TANK: variants seen among roughly 807,000 people sequenced by gnomAD.
The protein encoded by TANK is TRAF family member-associated NF-kappa-B activator.
Under a neutral mutation model 43.6 loss-of-function variants are expected in TANK, and 15 were observed. The ratio of observed to expected loss-of-function variants is 0.34; its 90% CI spans 0.23 to 0.53. The LOEUF is 0.53. Among genes scored for constraint, TANK ranks in the 20% least tolerant of loss-of-function variants. The probability of loss-of-function intolerance (pLI) is 0.94; values close to 1 mark genes in which losing one functional copy is unlikely to be tolerated. For synonymous variants in TANK, 162 were observed against 178.2 expected (o/e 0.91, Z 0.73); for missense variants, 417 against 498.6 (o/e 0.84, Z 1.56).
intron 1 of TANK, among the ~76,000 whole-genome samples, chr2:161,164,508 T>C (rs1281601271): frequency 6.6e-6 from 1 of 152,190 alleles, no homozygotes; most frequent in Non-Finnish European, 1.5e-5. Flanking sequence ...AAGATTATGA[T>C]TATCTTCAGG....
intron 6 of TANK, among the ~76,000 whole-genome samples, chr2:161,229,636 T>G (rs10189790): frequency 0.042 from 6,433 of 152,244 alleles, 407 homozygotes; most frequent in African/African-American, 0.14. Context: ...TATTGGAATG[T>G]GCTGTGGCAA....
At chr2:161,187,496 T>A (rs1366178502) in intron 2 of TANK, among the ~76,000 whole-genome samples, 1 of 152,116 alleles carries the variant, frequency 6.6e-6, no homozygotes, top group Non-Finnish European at 1.5e-5. Flanking sequence ...ATAATGATAA[T>A]GGGTCAGTTT....
chr2:161,197,412 A>G (rs1486359724), intron 2 of TANK: 3 of 152,254 alleles, frequency 2.0e-5, no homozygotes, highest in African/African-American at 4.8e-5. Context: ...ACAACGAACT[A>G]GAAAAATGAC....
chr2:161,202,599 C>T (rs1180243191), intron 2 of TANK, among the ~76,000 whole-genome samples: 1 of 151,988 alleles, frequency 6.6e-6, no homozygotes, highest in Non-Finnish European at 1.5e-5. Flanking sequence ...TATCTAGTAT[C>T]TACTGAAGAT....
At chr2:161,211,952 G>A (rs1265398531) in intron 4 of TANK, 2 of 968,454 alleles carry the variant, frequency 2.1e-6, no homozygotes, top group African/African-American at 3.5e-5. Flanking sequence ...CTGGAGACTA[G>A]CCTTTTTTAT....
chr2:161,147,972 C>A (rs1016227265), intron 1 of TANK, among the ~76,000 whole-genome samples: 14 of 152,080 alleles, frequency 9.2e-5, no homozygotes, highest in Non-Finnish European at 1.8e-4. Context: ...GTAAATCATG[C>A]TGTTATGAAC....
At chr2:161,140,906 C>A (rs916191516) in intron 1 of TANK, among the ~76,000 whole-genome samples, 1 of 151,994 alleles carries the variant, frequency 6.6e-6, no homozygotes, top group Non-Finnish European at 1.5e-5. Flanking sequence ...ATATACCACC[C>A]TTCCTACCCC....
chr2:161,137,212 T>C (rs1344937456), intron 1 of TANK: 1 of 985,418 alleles, frequency 1.0e-6, no homozygotes, highest in African/African-American at 1.7e-5. Flanking sequence ...GTAGTTAACG[T>C]CATAGTTAGA....
intron 1 of TANK, among the ~76,000 whole-genome samples, chr2:161,171,356 A>T (rs1473727842): frequency 6.6e-6 from 1 of 152,220 alleles, no homozygotes; most frequent in Non-Finnish European, 1.5e-5. Flanking sequence ...GAATGGCTGA[A>T]AATGGAGATC....
At chr2:161,198,608 A>T (rs1343035065) in intron 2 of TANK, among the ~76,000 whole-genome samples, 2 of 152,262 alleles carry the variant, frequency 1.3e-5, no homozygotes, top group African/African-American at 4.8e-5. Context: ...AATATTTCCA[A>T]TGAGCATATC....
intron 2 of TANK, among the ~76,000 whole-genome samples, chr2:161,182,204 G>A (rs1011868772): frequency 3.3e-5 from 5 of 151,908 alleles, no homozygotes; most frequent in Non-Finnish European, 7.4e-5. Flanking sequence ...GACCAAATGT[G>A]TGTGGGTTTC....
intron 1 of TANK, chr2:161,139,818 T>C: frequency 1.0e-6 from 1 of 985,452 alleles, no homozygotes; most frequent in Non-Finnish European, 1.2e-6. Context: ...AAAGCAGCTA[T>C]TCCTACGCTT....
intron 1 of TANK, chr2:161,161,306 AATAAGGG>A: frequency 1.3e-6 from 2 of 1,550,660 alleles, no homozygotes; most frequent in Non-Finnish European, 1.7e-6. Context: ...GACAAGTTAT[AATAAGGG>A]AGAGATGGTA....
intron 2 of TANK, among the ~76,000 whole-genome samples, chr2:161,196,045 G>C (rs570688217): frequency 1.3e-5 from 2 of 152,192 alleles, no homozygotes; most frequent in Admixed American, 1.3e-4. Flanking sequence ...AGATCACGCT[G>C]CTGCACTCCA....
intron 4 of TANK, among the ~76,000 whole-genome samples, chr2:161,218,166 C>CA (rs1049869588): frequency 2.8e-4 from 42 of 151,388 alleles, no homozygotes; most frequent in Non-Finnish European, 3.8e-4. Context: ...GAGAACGCAG[C>CA]AAAAAAAAGG....
At position 161,231,451 on chromosome 2, in the gene TANK, A is replaced by G. The variant is rs1326425334; in HGVS notation, c.1001A>G (p.His334Arg). ...DRAACLPPGD[H>R]NALYVNSFPL... The stretch of plus-strand genomic sequence containing the variant: ...GCTGCGTGTTTGCCACCTGGAGACC[A>G]TAATGCATTATATGTAAATAGCTTC... The change falls in exon 7 of 8, where the codon CAT becomes CGT. Residue 334 changes from histidine (H) to arginine (R), a missense_variant. Transcript: ENST00000392749. 1.2e-6 allele frequency: 2 copies of G among 1,614,052 alleles called. No homozygotes were observed. The highest frequency in any genetic ancestry group is 1.7e-6 in the Non-Finnish European group (2 of 1,180,016).
chr2:161,233,597 T>G (rs1688030374), intron 7 of TANK, among the ~76,000 whole-genome samples: 1 of 152,078 alleles, frequency 6.6e-6, no homozygotes, highest in Non-Finnish European at 1.5e-5. Flanking sequence ...TGATTTTCTT[T>G]TTTACTTTGC....
At chr2:161,145,238 T>G (rs1683876753) in intron 1 of TANK, among the ~76,000 whole-genome samples, 1 of 143,072 alleles carries the variant, frequency 7.0e-6, no homozygotes, top group South Asian at 2.4e-4. Flanking sequence ...GAGATAGGTC[T>G]CCCAAATACA....
At chr2:161,189,659 A>G (rs1685823837) in intron 2 of TANK, among the ~76,000 whole-genome samples, 1 of 152,188 alleles carries the variant, frequency 6.6e-6, no homozygotes. Flanking sequence ...CCACACCCAA[A>G]AAAAACCCAC....
Sources: gnomAD v4.1 joint callset for allele counts (sites outside exome capture counted in the v4.1 genomes callset) on GRCh38, gnomAD v4.1.1 for gene constraint, MANE v1.5 for transcripts, NCBI Gene and HGNC (gene_info 2026-07-23, HGNC 2026-07-21) for gene names.